Variants in BCL11A observed in about 807,000 individuals in gnomAD.
BCL11A encodes BCL11 transcription factor A.
Under a neutral mutation model 55.9 loss-of-function variants are expected in BCL11A, and 2 were observed. The ratio of observed to expected loss-of-function variants is 0.04; its 90% CI spans 0.01 to 0.11. BCL11A has a LOEUF of 0.11. Among genes scored for constraint, BCL11A ranks in the 10% least tolerant of loss-of-function variants. The pLI is 1.00. For synonymous variants in BCL11A, 465 were observed against 473.4 expected, an observed-to-expected ratio of 0.98 and a Z score of 0.23; for missense variants, 817 against 1,137.1, an observed-to-expected ratio of 0.72 and a Z score of 4.05.
At chr2:60,452,596 G>C, downstream of BCL11A, 1 of 1,613,828 alleles carries the variant, frequency 6.2e-7, no homozygotes, top group South Asian at 1.1e-5. Flanking sequence ...GGGCTCTCGA[G>C]CTTCCATCCG....
intron 2 of BCL11A, among the ~76,000 whole-genome samples, chr2:60,475,513 AG>A (rs2104079312): frequency 6.6e-6 from 1 of 152,352 alleles, no homozygotes; most frequent in East Asian, 1.9e-4. Flanking sequence ...TCTCATTGCC[AG>A]TTTAAGATGG....
intron 1 of BCL11A, among the ~76,000 whole-genome samples, chr2:60,549,078 A>G (rs998533571): frequency 3.3e-5 from 5 of 152,176 alleles, no homozygotes. Flanking sequence ...TCCTCGATTG[A>G]AGTGGAAGGG....
chr2:60,521,854 G>A (rs902109644), intron 2 of BCL11A, among the ~76,000 whole-genome samples: 14 of 152,276 alleles, frequency 9.2e-5, no homozygotes, highest in East Asian at 1.9e-4. Context: ...TCAAGCAAAC[G>A]CCACATCTGA....
intron 2 of BCL11A, among the ~76,000 whole-genome samples, chr2:60,503,661 C>T (rs1679417711): frequency 6.6e-6 from 1 of 152,280 alleles, no homozygotes; most frequent in African/African-American, 2.4e-5. Flanking sequence ...GAGAAGCCCT[C>T]AGCAAACACC....
chr2:60,461,297 C>T lies in BCL11A; in HGVS notation c.1615G>A (p.Glu539Lys), dbSNP rs1248879509. Reference protein sequence around the residue: ...SRGAVVGVGDESRALPDVMQG... With the variant: ...SRGAVVGVGDKSRALPDVMQG... The stretch of plus-strand genomic sequence containing the variant: ...ATGACGTCGGGCAGGGCGCGGCTCT[C>T]GTCGCCCACGCCCACGACCGCGCCC... Residue 539 changes from glutamate to lysine, a missense_variant, in exon 4 of 4, where the codon GAG becomes AAG. Physicochemically the swap from Glu to Lys is moderately conservative, Grantham distance 56. Coordinates refer to ENST00000642384, the MANE Select transcript of BCL11A (RefSeq NM_022893.4). 8 of 1,602,142 alleles carry T rather than the reference C, an allele frequency of 5.0e-6. No homozygotes were observed. The highest frequency in any genetic ancestry group is 6.8e-6 in the Non-Finnish European group (8 of 1,178,586).
intron 2 of BCL11A, among the ~76,000 whole-genome samples, chr2:60,474,373 G>C (rs1436780636): frequency 6.6e-6 from 1 of 151,964 alleles, no homozygotes; most frequent in African/African-American, 2.4e-5. Flanking sequence ...TTCCATCTTT[G>C]TGTTGAAATG....
At chr2:60,512,470 A>G (rs1021333702) in intron 2 of BCL11A, among the ~76,000 whole-genome samples, 1 of 152,218 alleles carries the variant, frequency 6.6e-6, no homozygotes, top group African/African-American at 2.4e-5. Flanking sequence ...CTCTCAAATG[A>G]GAAAGGCAGC....
At chr2:60,470,336 G>T (rs1338237340) in intron 2 of BCL11A, among the ~76,000 whole-genome samples, 1 of 152,218 alleles carries the variant, frequency 6.6e-6, no homozygotes, top group African/African-American at 2.4e-5. Flanking sequence ...TTTACGTCAA[G>T]TGAATTGAGA....
intron 2 of BCL11A, among the ~76,000 whole-genome samples, chr2:60,509,111 T>A (rs923545370): frequency 6.6e-6 from 1 of 152,218 alleles, no homozygotes; most frequent in Non-Finnish European, 1.5e-5. Flanking sequence ...AGGCTTCTGG[T>A]CTAAAGATTC....
intron 2 of BCL11A, among the ~76,000 whole-genome samples, chr2:60,505,372 G>C (rs749248264): frequency 6.6e-6 from 1 of 152,234 alleles, no homozygotes; most frequent in Non-Finnish European, 1.5e-5. Context: ...ACACCACTTT[G>C]TCAGGACTTG....
chr2:60,463,152 T>C (rs1676408444), intron 3 of BCL11A, among the ~76,000 whole-genome samples: 1 of 152,202 alleles, frequency 6.6e-6, no homozygotes, highest in South Asian at 2.1e-4. Context: ...GGACGTCCAT[T>C]TTTATCTCAA....
chr2:60,471,144 T>C (rs775048316), intron 2 of BCL11A, among the ~76,000 whole-genome samples: 1 of 152,224 alleles, frequency 6.6e-6, no homozygotes, highest in African/African-American at 2.4e-5. Flanking sequence ...AAGGTGCCAA[T>C]GAACTGACTT....
At chr2:60,511,143 C>A (rs770703178) in intron 2 of BCL11A, among the ~76,000 whole-genome samples, 1 of 152,178 alleles carries the variant, frequency 6.6e-6, no homozygotes, top group South Asian at 2.1e-4. Context: ...CCAGCTGCCT[C>A]CACGGCATTA....
chr2:60,550,828 C>G (rs1670380248), intron 1 of BCL11A: 1 of 398,826 alleles, frequency 2.5e-6, no homozygotes, highest in African/African-American at 2.1e-5. Context: ...GCCTGACTTT[C>G]CCGAGTCCTG....
At chr2:60,475,309 CTT>C in intron 2 of BCL11A, among the ~76,000 whole-genome samples, 1 of 152,344 alleles carries the variant, frequency 6.6e-6, no homozygotes, top group Admixed American at 6.5e-5. Flanking sequence ...CATGTGGACT[CTT>C]GTGAAACTCC....
At chr2:60,506,778 G>T (rs1679622231) in intron 2 of BCL11A, among the ~76,000 whole-genome samples, 1 of 152,176 alleles carries the variant, frequency 6.6e-6, no homozygotes, top group South Asian at 2.1e-4. Context: ...TGTCTATAAT[G>T]CTGAGATTTA....
intron 2 of BCL11A, among the ~76,000 whole-genome samples, chr2:60,506,572 A>G (rs934099374): frequency 5.9e-5 from 9 of 152,224 alleles, no homozygotes; most frequent in African/African-American, 2.2e-4. Flanking sequence ...CCCTGGCTAT[A>G]CAAAACACAG....
At chr2:60,549,860 TG>T (rs1413719956) in intron 1 of BCL11A, 1 of 152,320 alleles carries the variant, frequency 6.6e-6, no homozygotes, top group Non-Finnish European at 1.5e-5. Context: ...CTTTTTACTT[TG>T]GGGGATCTCT....
intron 2 of BCL11A, among the ~76,000 whole-genome samples, chr2:60,507,558 A>G (rs1679718590): frequency 6.6e-6 from 1 of 152,152 alleles, no homozygotes; most frequent in Non-Finnish European, 1.5e-5. Context: ...AAATGAGGAC[A>G]GGCAAGGGGA....
Sources: gnomAD v4.1 joint callset for allele counts (sites outside exome capture counted in the v4.1 genomes callset) on GRCh38, gnomAD v4.1.1 for gene constraint, MANE v1.5 for transcripts, NCBI Gene and HGNC (gene_info 2026-07-23, HGNC 2026-07-21) for gene names.